The following ADAMTS17 variants were observed in gnomAD, a reference collection of about 807,000 sequenced individuals.
The protein encoded by ADAMTS17 is ADAM metallopeptidase with thrombospondin type 1 motif 17, also known as A disintegrin and metalloproteinase with thrombospondin motifs 17.
ADAMTS17 carries 113 observed loss-of-function variants against 141.5 expected under a neutral mutation model. The ratio of observed to expected loss-of-function variants is 0.80; its 90% confidence interval spans 0.69 to 0.93. The LOEUF (loss-of-function observed/expected upper bound fraction) is 0.93, where lower values mean the gene tolerates loss of function less well. Among genes scored for constraint, ADAMTS17 ranks in the 40% least tolerant of loss-of-function variants. The pLI is 0.00. For synonymous variants in ADAMTS17, 768 were observed against 630.6 expected, an observed-to-expected ratio of 1.22 and a Z score of -3.27; for missense variants, 1,659 against 1,517.9, an observed-to-expected ratio of 1.09 and a Z score of -1.54.
intron 18 of ADAMTS17, among the ~76,000 whole-genome samples, chr15:100,036,066 C>T (rs551365515): frequency 3.9e-5 from 6 of 152,166 alleles, no homozygotes; most frequent in Non-Finnish European, 8.8e-5. Flanking sequence ...ATGTGATGCT[C>T]GGGATGGCTT....
intron 2 of ADAMTS17, among the ~76,000 whole-genome samples, chr15:100,336,007 A>G (rs1040920017): frequency 3.3e-5 from 5 of 152,234 alleles, no homozygotes; most frequent in African/African-American, 1.2e-4. Context: ...CACATCCAAG[A>G]TCAGGCAGCT....
chr15:100,193,134 G>C (rs73475435), intron 8 of ADAMTS17, among the ~76,000 whole-genome samples: 136 of 152,362 alleles, frequency 8.9e-4, no homozygotes, highest in African/African-American at 3.1e-3. Flanking sequence ...GGCCTTGCAG[G>C]GCTCCACCTG....
chr15:100,049,471 T>G (rs528878600), intron 17 of ADAMTS17, among the ~76,000 whole-genome samples: 12 of 152,204 alleles, frequency 7.9e-5, no homozygotes, highest in Non-Finnish European at 1.6e-4. Context: ...CACACAGACC[T>G]GCATCCTCTA....
chr15:100,082,751 C>G (rs1411503321), intron 15 of ADAMTS17, among the ~76,000 whole-genome samples: 1 of 137,218 alleles, frequency 7.3e-6, no homozygotes, highest in African/African-American at 2.7e-5. Flanking sequence ...ATTTGAGTTA[C>G]TTTTTCTCGT....
At chr15:100,169,949 C>T (rs997214807) in intron 8 of ADAMTS17, among the ~76,000 whole-genome samples, 13 of 152,094 alleles carry the variant, frequency 8.5e-5, no homozygotes, top group Non-Finnish European at 1.2e-4. Flanking sequence ...ATTCAGGAGG[C>T]GGGGTTCAGG....
At chr15:100,045,269 T>C (rs886672374) in intron 18 of ADAMTS17, among the ~76,000 whole-genome samples, 3 of 152,224 alleles carry the variant, frequency 2.0e-5, no homozygotes, top group African/African-American at 7.2e-5. Context: ...TTAAATATTT[T>C]ATAAAATAAT....
At chr15:100,183,958 G>A (rs1205294689) in intron 8 of ADAMTS17, among the ~76,000 whole-genome samples, 6 of 152,168 alleles carry the variant, frequency 3.9e-5, no homozygotes, top group Middle Eastern at 3.2e-3. Context: ...ACTGGGTGTC[G>A]CTGAGCCACC....
intron 8 of ADAMTS17, among the ~76,000 whole-genome samples, chr15:100,166,398 T>C (rs963294748): frequency 6.6e-6 from 1 of 152,186 alleles, no homozygotes; most frequent in African/African-American, 2.4e-5. Flanking sequence ...CCTTATGAAA[T>C]TGAACAGGAC....
intron 15 of ADAMTS17, among the ~76,000 whole-genome samples, chr15:100,074,711 G>A (rs542825236): frequency 2.4e-4 from 36 of 152,036 alleles, no homozygotes; most frequent in African/African-American, 7.7e-4. Context: ...TTCGGTTTTG[G>A]TATCAGTATT....
chr15:100,083,114 G>A lies in ADAMTS17; in HGVS notation c.2137+13242C>T, dbSNP rs530928569. ...GACCATGTGACTTGAAGAGTAAAAT[G>A]TAAGTGAAAATGAGGTGTGTCGCTT... is the stretch of plus-strand genomic sequence containing the variant. On this transcript the variant is annotated intron_variant, in intron 15 of 21. Transcript: ENST00000268070. Among the ~76,000 whole-genome samples the A allele has an allele frequency of 9.1e-4, 139 of 152,332 alleles. 1 individual carries two copies. Among genetic ancestry groups the A allele is most frequent in the African/African-American group, 3.1e-3 (127 of 41,570 alleles).
At chr15:100,017,055 G>T (rs896114417) in intron 18 of ADAMTS17, among the ~76,000 whole-genome samples, 3 of 152,158 alleles carry the variant, frequency 2.0e-5, no homozygotes, top group Non-Finnish European at 2.9e-5. Flanking sequence ...TGCTATGGGG[G>T]ATGGGGTTGA....
chr15:100,297,781 A>G (rs1385010719), intron 3 of ADAMTS17, among the ~76,000 whole-genome samples: 3 of 152,230 alleles, frequency 2.0e-5, no homozygotes, highest in Non-Finnish European at 4.4e-5. Flanking sequence ...CAGAGCTCAC[A>G]GCATTCAGGA....
intron 8 of ADAMTS17, among the ~76,000 whole-genome samples, chr15:100,185,294 A>T (rs1361256715): frequency 2.0e-5 from 3 of 152,138 alleles, no homozygotes; most frequent in Non-Finnish European, 4.4e-5. Flanking sequence ...AAGCCCTGAG[A>T]ACAAGCTCGT....
At chr15:100,179,685 T>C (rs2040458310) in intron 8 of ADAMTS17, among the ~76,000 whole-genome samples, 1 of 152,226 alleles carries the variant, frequency 6.6e-6, no homozygotes, top group African/African-American at 2.4e-5. Flanking sequence ...TTGCCTTTTT[T>C]CCACAACCTT....
intron 7 of ADAMTS17, among the ~76,000 whole-genome samples, chr15:100,227,357 C>T (rs557367683): frequency 2.2e-5 from 3 of 135,140 alleles, no homozygotes; most frequent in Non-Finnish European, 3.2e-5. Context: ...CTCACTACCC[C>T]CTCCAATCCT....
At chr15:100,053,464 C>T (rs957367341) in intron 16 of ADAMTS17, among the ~76,000 whole-genome samples, 4 of 152,168 alleles carry the variant, frequency 2.6e-5, no homozygotes, top group African/African-American at 9.7e-5. Flanking sequence ...CCAGTTCGGA[C>T]CTGGAGTCAT....
intron 3 of ADAMTS17, among the ~76,000 whole-genome samples, chr15:100,323,912 G>A (rs1319734292): frequency 6.6e-6 from 1 of 151,352 alleles, no homozygotes; most frequent in Non-Finnish European, 1.5e-5. Context: ...GAAAGGAAGG[G>A]GTCCCCTATG....
At chr15:100,106,872 C>T (rs8041983) in intron 14 of ADAMTS17, among the ~76,000 whole-genome samples, 13,724 of 152,228 alleles carry the variant, frequency 0.09, 600 homozygotes, top group Middle Eastern at 0.12. Context: ...TCATACTGCC[C>T]GACGGGCAGG....
chr15:100,094,800 A>G (rs2141011172), intron 15 of ADAMTS17, among the ~76,000 whole-genome samples: 1 of 152,352 alleles, frequency 6.6e-6, no homozygotes, highest in South Asian at 2.1e-4. Flanking sequence ...TTGCCTCAGC[A>G]GCAATAGGCA....
Sources: allele counts gnomAD v4.1 joint callset (sites outside exome capture counted in the v4.1 genomes callset), GRCh38; gene constraint gnomAD v4.1.1; transcripts MANE v1.5; gene names NCBI Gene and HGNC (gene_info 2026-07-23, HGNC 2026-07-21).